Variants in NDUFAF6 observed in about 807,000 individuals in gnomAD.
NDUFAF6 encodes the protein NADH dehydrogenase (ubiquinone) complex I, assembly factor 6.
NDUFAF6 carries 45 observed loss-of-function variants against 40.8 expected under a neutral mutation model. The observed-to-expected ratio is 1.10, with a 90% CI of 0.87 to 1.42. The LOEUF is 1.42. NDUFAF6 is among the 40% of genes most tolerant of loss of function. The pLI is 0.00. For synonymous variants in NDUFAF6, 185 were observed against 155.9 expected, an observed-to-expected ratio of 1.19 and a Z score of -1.39; for missense variants, 435 against 418.5, an observed-to-expected ratio of 1.04 and a Z score of -0.34.
chr8:94,916,153 A>G (rs1040014547), intron 1 of NDUFAF6, among the ~76,000 whole-genome samples: 11 of 152,202 alleles, frequency 7.2e-5, no homozygotes, highest in African/African-American at 2.2e-4. Context: ...AAGTAGCAAG[A>G]TAGTGTAGAA....
At chr8:95,059,979 T>G (rs1832529606), downstream of NDUFAF6, among the ~76,000 whole-genome samples, 1 of 131,178 alleles carries the variant, frequency 7.6e-6, no homozygotes, top group African/African-American at 2.7e-5. Flanking sequence ...CTTCCCAAGT[T>G]AAATTTGGCA....
chr8:95,086,812 C>T (rs935489152), intron 2 of NDUFAF6, among the ~76,000 whole-genome samples: 24 of 152,116 alleles, frequency 1.6e-4, no homozygotes, highest in African/African-American at 5.5e-4. Flanking sequence ...ACCGTGTTAG[C>T]CAGGATGGTC....
At chr8:94,973,579 G>A (rs1027683500) in intron 1 of NDUFAF6, among the ~76,000 whole-genome samples, 3 of 152,024 alleles carry the variant, frequency 2.0e-5, no homozygotes, top group Non-Finnish European at 1.5e-5. Context: ...GTGGTGGCGG[G>A]CACCTTTAGT....
At chr8:95,109,603 G>T (rs62524769) in intron 4 of NDUFAF6, among the ~76,000 whole-genome samples, 6,946 of 138,452 alleles carry the variant, frequency 0.05, 180 homozygotes, top group Middle Eastern at 0.09. Flanking sequence ...GAGAGAGAGA[G>T]AGAGAGAGAG....
chr8:95,037,155 A>C (rs896694796), intron 3 of NDUFAF6, among the ~76,000 whole-genome samples: 1 of 152,190 alleles, frequency 6.6e-6, no homozygotes, highest in Non-Finnish European at 1.5e-5. Flanking sequence ...TCTCTGTATG[A>C]ATTTTAGCTG....
upstream of NDUFAF6, chr8:95,024,887 G>C: frequency 1.2e-6 from 1 of 861,388 alleles, no homozygotes; most frequent in Non-Finnish European, 1.5e-6. Flanking sequence ...GCTCTTCTTT[G>C]AGCGGCGTCC....
chr8:94,927,286 G>A (rs1819981030), intron 1 of NDUFAF6: 1 of 152,468 alleles, frequency 6.6e-6, no homozygotes, highest in African/African-American at 2.4e-5. Flanking sequence ...TTTCATTGAG[G>A]AGGAAGAGAA....
intron 7 of NDUFAF6, among the ~76,000 whole-genome samples, chr8:95,051,197 A>G (rs571107505): frequency 1.2e-4 from 18 of 152,340 alleles, no homozygotes; most frequent in Non-Finnish European, 2.4e-4. Flanking sequence ...ACAGAGGACC[A>G]GGGGCAGAAC....
rs146591588 is a variant in NDUFAF6 at position 95,094,735 on chromosome 8, C to CCTT, written n.214-6381_214-6379dup. ...TGGCCTCTTTCTTTCTTTTTTCTTTCCTTCTTCTTCTTCTTCTTTTTTTTT... is the reference window on the plus strand; with the variant it reads ...TGGCCTCTTTCTTTCTTTTTTCTTTCCTTCTTCTTCTTCTTCTTCTTTTTTTTT... On this transcript the variant is annotated intron_variant and non_coding_transcript_variant, in intron 2 of 5. Transcript: ENST00000523184. Among the ~76,000 whole-genome samples the CCTT allele has an allele frequency of 3.6e-3, 478 of 132,104 alleles. 6 individuals are homozygous for CCTT. Among genetic ancestry groups the CCTT allele is most frequent in the African/African-American group, 0.013 (458 of 34,072 alleles). 86.7% of individuals were successfully genotyped at this position (132,104 alleles called of 152,430 possible). A position where few individuals can be genotyped will look rare whatever the true frequency, so the allele number is the denominator to read the frequency against.
chr8:94,948,894 T>C (rs1344385455), intron 2 of NDUFAF6, among the ~76,000 whole-genome samples: 3 of 150,766 alleles, frequency 2.0e-5, no homozygotes, highest in Non-Finnish European at 4.4e-5. Context: ...CGGGCCCTTG[T>C]CCGCGCCGCC....
chr8:94,905,104 G>T (rs1218795041), intron 1 of NDUFAF6, among the ~76,000 whole-genome samples: 1 of 152,152 alleles, frequency 6.6e-6, no homozygotes, highest in Non-Finnish European at 1.5e-5. Flanking sequence ...GGAGGTTGAG[G>T]CAGGAGAATC....
chr8:94,977,141 A>G (rs898730154), intron 1 of NDUFAF6, among the ~76,000 whole-genome samples: 24 of 93,320 alleles, frequency 2.6e-4, no homozygotes, highest in South Asian at 6.4e-4. Flanking sequence ...CCTGACTCAG[A>G]AAAAAAAAAA....
rs557634469 is a variant in NDUFAF6 at position 94,995,594 on chromosome 8, G to A, written c.-84+14621G>A. Among the ~76,000 whole-genome samples, 199 of 141,936 alleles carry A rather than the reference G, an allele frequency of 1.4e-3. 2 individuals are homozygous for A. In the Middle Eastern group the frequency reaches 0.015, roughly 10 times the overall value. 93.1% of individuals were successfully genotyped at this position (141,936 alleles called of 152,430 possible). A position where few individuals can be genotyped will look rare whatever the true frequency, so the allele number is the denominator to read the frequency against. ...CATCTTTAAAAATAAAATAAAACTT[G>A]AAAAAAAAAAAGAATGGCCGACTTT... On this transcript the variant is annotated intron_variant, in intron 2 of 9. Coordinates refer to the NDUFAF6 transcript ENST00000396111.
Position 95,035,578 on chromosome 8 carries a change from T to TAAAA in NDUFAF6, c.420+12_420+15dup, listed in dbSNP as rs34960210. ...CCTGTGGCCATTGAACTATGGAAGG[T>TAAAA]AAAAAAAAAAAAATACCACTTTTAA... On this transcript the variant is annotated splice_region_variant and intron_variant, in intron 3 of 8. Transcript: ENST00000396124. 7.7e-6 allele frequency: 11 copies of TAAAA among 1,432,438 alleles called. No homozygotes were observed. The highest frequency in any genetic ancestry group is 7.1e-5 in the African/African-American group (5 of 70,342). The allele number at this position is 1,432,438 out of a possible 1,614,324, so 88.7% of individuals were successfully genotyped here. A position where few individuals can be genotyped will look rare whatever the true frequency, so the allele number is the denominator to read the frequency against.
chr8:95,035,043 C>G (rs760478884), intron 2 of NDUFAF6, among the ~76,000 whole-genome samples: 3 of 152,060 alleles, frequency 2.0e-5, no homozygotes, highest in Non-Finnish European at 4.4e-5. Context: ...CCACACCCGG[C>G]TAATTTTTTG....
chr8:95,094,587 AT>A (rs1392668841), intron 2 of NDUFAF6, among the ~76,000 whole-genome samples: 1 of 145,126 alleles, frequency 6.9e-6, no homozygotes, highest in South Asian at 2.2e-4. Flanking sequence ...TAATTTTTAT[AT>A]TTTTTTAGTA....
chr8:95,097,420 G>A (rs748574066), upstream of NDUFAF6, among the ~76,000 whole-genome samples: 9 of 152,240 alleles, frequency 5.9e-5, no homozygotes, highest in South Asian at 1.2e-3. Context: ...ACTGTTGGCC[G>A]GGCGCAGCGG....
rs530740144 is a variant in NDUFAF6, at chr8:95,074,912, C to T, written c.*512-721C>T. Among the ~76,000 whole-genome samples the T allele has an allele frequency of 2.6e-5, 4 of 152,296 alleles. No individual in the cohort carries two copies. The East Asian group carries it at 5.8e-4, about 22-fold the overall frequency. ...ATTAGGCTTTGCAAACTCCAAATTC[C>T]TTCTTTTACAACCTCAAAAATTTCA... On this transcript the variant is annotated intron_variant and NMD_transcript_variant, in intron 9 of 9. Coordinates refer to the NDUFAF6 transcript ENST00000520757.
Position 95,086,745 on chromosome 8 carries a change from GC to G in NDUFAF6, n.213+10994del, listed in dbSNP as rs746115805. ...GTCTCCCGAGTAGCTGGGACCACAG[GC>G]GCCCCCCACCACGCCCGGCTAATTT... On this transcript the variant is annotated intron_variant and non_coding_transcript_variant, in intron 2 of 5. Transcript: ENST00000523184. Among the ~76,000 whole-genome samples the G allele has an allele frequency of 9.2e-4, 140 of 152,050 alleles. No individual in the cohort carries two copies. The Middle Eastern group carries it at 0.01, about 11-fold the overall frequency.
Sources: allele counts gnomAD v4.1 joint callset (sites outside exome capture counted in the v4.1 genomes callset), GRCh38; gene constraint gnomAD v4.1.1; transcripts MANE v1.5; gene names NCBI Gene and HGNC (gene_info 2026-07-23, HGNC 2026-07-21).